Variants in GRAMD1B observed in about 807,000 individuals in gnomAD.
The protein encoded by GRAMD1B is protein Aster-B.
A neutral mutation model predicts 99.7 loss-of-function variants in GRAMD1B; 37 were observed. The observed-to-expected ratio is 0.37, with a 90% CI of 0.29 to 0.49. The LOEUF (loss-of-function observed/expected upper bound fraction) is 0.49, where lower values mean the gene tolerates loss of function less well. Ranked by LOEUF, GRAMD1B falls within the 20% of genes least tolerant of loss-of-function variation. The probability of loss-of-function intolerance (pLI) is 0.98; values close to 1 mark genes in which losing one functional copy is unlikely to be tolerated. For synonymous variants in GRAMD1B, 427 were observed against 387.6 expected, an observed-to-expected ratio of 1.10 and a Z score of -1.19; for missense variants, 888 against 1,009.2, an observed-to-expected ratio of 0.88 and a Z score of 1.63.
intron 1 of GRAMD1B, among the ~76,000 whole-genome samples, chr11:123,424,269 A>G (rs75337527): frequency 0.11 from 16,187 of 151,020 alleles, 994 homozygotes; most frequent in South Asian, 0.14. Flanking sequence ...AAAAAAAAAA[A>G]AGAAAAAAGA....
intron 2 of GRAMD1B, among the ~76,000 whole-genome samples, chr11:123,519,813 G>A (rs1256497739): frequency 1.3e-5 from 2 of 152,236 alleles, no homozygotes; most frequent in South Asian, 2.1e-4. Flanking sequence ...ACCCAAGGTC[G>A]TGGGATTCTG....
At chr11:123,558,302 A>T (rs1946368592) in intron 2 of GRAMD1B, among the ~76,000 whole-genome samples, 1 of 152,094 alleles carries the variant, frequency 6.6e-6, no homozygotes, top group Admixed American at 6.6e-5. Context: ...TTTACTGAAT[A>T]TGTGTGTACC....
At chr11:123,387,434 G>A (rs1267808248) in intron 1 of GRAMD1B, among the ~76,000 whole-genome samples, 4 of 152,046 alleles carry the variant, frequency 2.6e-5, no homozygotes, top group African/African-American at 7.2e-5. Context: ...AAGGAATGGA[G>A]GAAACAAAAC....
At chr11:123,432,472 G>A (rs1254600456) in intron 1 of GRAMD1B, among the ~76,000 whole-genome samples, 1 of 151,108 alleles carries the variant, frequency 6.6e-6, no homozygotes, top group Non-Finnish European at 1.5e-5. Context: ...CAAGAGAATC[G>A]CTTGAACCTG....
chr11:123,490,625 A>AAAT (rs1938446829), intron 2 of GRAMD1B, among the ~76,000 whole-genome samples: 2 of 152,220 alleles, frequency 1.3e-5, no homozygotes, highest in Non-Finnish European at 2.9e-5. Flanking sequence ...AATTCAAGAT[A>AAAT]TATTTAGGAG....
intron 2 of GRAMD1B, among the ~76,000 whole-genome samples, chr11:123,511,251 A>T (rs1383447821): frequency 6.6e-6 from 1 of 152,108 alleles, no homozygotes; most frequent in Non-Finnish European, 1.5e-5. Flanking sequence ...ACTGCCTCTC[A>T]TCCTGCAGCA....
intron 1 of GRAMD1B, among the ~76,000 whole-genome samples, chr11:123,371,461 G>A (rs941244279): frequency 2.0e-5 from 3 of 152,102 alleles, no homozygotes; most frequent in African/African-American, 7.2e-5. Flanking sequence ...GTTATTTTAT[G>A]TCACAATGCC....
intron 1 of GRAMD1B, among the ~76,000 whole-genome samples, chr11:123,413,507 C>T (rs1185706819): frequency 8.1e-6 from 1 of 123,180 alleles, no homozygotes; most frequent in Non-Finnish European, 1.6e-5. Flanking sequence ...GGTCCATTTG[C>T]CCATATTTTT....
chr11:123,449,129 CT>C (rs1490756062), intron 1 of GRAMD1B, among the ~76,000 whole-genome samples: 1 of 152,240 alleles, frequency 6.6e-6, no homozygotes, highest in Non-Finnish European at 1.5e-5. Flanking sequence ...TTTAGTTAGC[CT>C]TTCCTCTAGG....
chr11:123,437,901 G>A lies in GRAMD1B; in HGVS notation c.374+6735G>A, dbSNP rs181934897. On this transcript the variant is annotated intron_variant, in intron 1 of 19. Coordinates refer to ENST00000635736, the MANE Select transcript of GRAMD1B (RefSeq NM_001387025.1). ...CTGAATGCTCTCCCCCTCAGCCCCC[G>A]TCACTATTGGTGTAGCTTCTCCGCT... Among the ~76,000 whole-genome samples, 262 of 152,240 alleles carry A rather than the reference G, an allele frequency of 1.7e-3. 2 individuals carry two copies. Among genetic ancestry groups the A allele is most frequent in the African/African-American group, 1.4e-3 (60 of 41,530 alleles).
chr11:123,624,785 C>T lies in GRAMD1B; in HGVS notation c.*2190C>T, dbSNP rs769519778. The T allele has an allele frequency of 7.2e-5, 11 of 152,174 alleles. No homozygotes were observed. Among genetic ancestry groups the T allele is most frequent in the African/African-American group, 2.2e-4 (9 of 41,426 alleles). The allele number at this position is 152,174 out of a possible 1,614,324, so 9.4% of individuals were successfully genotyped here. A position where few individuals can be genotyped will look rare whatever the true frequency, so the allele number is the denominator to read the frequency against. ...AGTTATTTAATTATTAAAGGTGCCACGGTGGGACCTTTGGGATGACTTAAA... is the reference window on the plus strand; with the variant it reads ...AGTTATTTAATTATTAAAGGTGCCATGGTGGGACCTTTGGGATGACTTAAA... On this transcript the variant is annotated 3_prime_UTR_variant, in exon 20 of 20. Coordinates refer to ENST00000635736, the MANE Select transcript of GRAMD1B (RefSeq NM_001387025.1).
intron 2 of GRAMD1B, among the ~76,000 whole-genome samples, chr11:123,552,455 A>G (rs1945722526): frequency 1.3e-5 from 2 of 151,690 alleles, no homozygotes; most frequent in Non-Finnish European, 2.9e-5. Context: ...TTGTATTTTT[A>G]GTAGAGACGG....
At chr11:123,378,587 T>A (rs1295717069) in intron 1 of GRAMD1B, among the ~76,000 whole-genome samples, 3 of 152,240 alleles carry the variant, frequency 2.0e-5, no homozygotes, top group African/African-American at 7.2e-5. Context: ...TTGATTACTA[T>A]TTATTGAGTG....
In GRAMD1B at chr11:123,610,727, A is replaced by G. The variant is rs951797787; in HGVS notation, c.1919+389A>G. On this transcript the variant is annotated intron_variant, in intron 14 of 19. Transcript: ENST00000635736. This position sits in a 1 kb window ranked among gnomAD's most constrained non-coding sequence, Gnocchi z 4.1. The stretch of plus-strand genomic sequence containing the variant: ...GCCAAGAGTCATGTCTTTAGTAAGC[A>G]CTGAAACCCAGATCTTAGAGTTGTA... Among the ~76,000 whole-genome samples, 3 of 152,204 alleles carry G rather than the reference A, an allele frequency of 2.0e-5. No homozygotes were observed. Among genetic ancestry groups the G allele is most frequent in the African/African-American group, 7.2e-5 (3 of 41,454 alleles).
chr11:123,593,802 C>T (rs1592181198), intron 4 of GRAMD1B, among the ~76,000 whole-genome samples: 1 of 152,236 alleles, frequency 6.6e-6, no homozygotes, highest in Admixed American at 6.5e-5. Flanking sequence ...TCCCTCCTTC[C>T]TTTCTCTTAC....
At position 123,607,545 on chromosome 11, in the gene GRAMD1B, C is replaced by T. The variant is rs148612934; in HGVS notation, c.1513+747C>T. Among the ~76,000 whole-genome samples, 55 of 152,334 alleles carry T rather than the reference C, an allele frequency of 3.6e-4. 4 individuals carry two copies. Among genetic ancestry groups the T allele is most frequent in the African/African-American group, 1.2e-3 (50 of 41,588 alleles). The stretch of plus-strand genomic sequence containing the variant: ...TTCTAACTTTTGGTTGGTTTACCCA[C>T]CCCCATCTAGAGTCCAGGGTTGGCA... On this transcript the variant is annotated intron_variant, in intron 11 of 19. Coordinates refer to ENST00000635736, the MANE Select transcript of GRAMD1B (RefSeq NM_001387025.1).
Position 123,564,185 on chromosome 11 carries a change from G to T in GRAMD1B, c.453-13182G>T, listed in dbSNP as rs148768539. On this transcript the variant is annotated intron_variant, in intron 2 of 19. Transcript: ENST00000635736. ...CCTGACAGTACCATAGCAACCTCTGGCACTGAGGTGATGTGTCCCTGGCCA... is the reference window on the plus strand; with the variant it reads ...CCTGACAGTACCATAGCAACCTCTGTCACTGAGGTGATGTGTCCCTGGCCA... Among the ~76,000 whole-genome samples, 1,115 of 152,274 alleles carry T rather than the reference G, an allele frequency of 7.3e-3. 7 individuals are homozygous for T. The highest frequency in any genetic ancestry group is 1.0e-2 in the Non-Finnish European group (679 of 68,024).
chr11:123,546,340 A>G (rs1009437594), intron 2 of GRAMD1B, among the ~76,000 whole-genome samples: 2 of 152,190 alleles, frequency 1.3e-5, no homozygotes, highest in African/African-American at 4.8e-5. Context: ...CACGCATCCA[A>G]GCTTTTATTA....
chr11:123,526,242 C>T, intron 2 of GRAMD1B: 1 of 1,296,776 alleles, frequency 7.7e-7, no homozygotes, highest in Non-Finnish European at 1.1e-6. Context: ...CCAGCACCCT[C>T]AAGAGGTCTC....
Sources: gnomAD v4.1 joint callset for allele counts (sites outside exome capture counted in the v4.1 genomes callset) on GRCh38, gnomAD v4.1.1 for gene constraint, Gnocchi (gnomAD v3.1) non-coding constraint, MANE v1.5 for transcripts, NCBI Gene and HGNC (gene_info 2026-07-23, HGNC 2026-07-21) for gene names.